Variants in LRRIQ3 observed in about 807,000 individuals in gnomAD.
LRRIQ3 encodes leucine-rich repeat and IQ domain-containing protein 3.
Under a neutral mutation model 59.3 loss-of-function variants are expected in LRRIQ3, and 75 were observed. The ratio of observed to expected loss-of-function variants is 1.26; its 90% CI spans 1.05 to 1.53. The LOEUF (loss-of-function observed/expected upper bound fraction) is 1.53, where lower values mean the gene tolerates loss of function less well. LRRIQ3 is among the 40% of genes most tolerant of loss of function. The pLI is 0.00. For missense variants in LRRIQ3, 831 were observed against 710.0 expected, an observed-to-expected ratio of 1.17 and a Z score of -1.94; for synonymous variants, 250 against 231.3, an observed-to-expected ratio of 1.08 and a Z score of -0.73.
chr1:74,123,487 A>G (rs1304667822), intron 4 of LRRIQ3, among the ~76,000 whole-genome samples: 1 of 151,662 alleles, frequency 6.6e-6, no homozygotes, highest in African/African-American at 2.4e-5. Context: ...CCATCATTCT[A>G]TCTCTACTTC....
Position 74,186,583 on chromosome 1 carries a change from T to C in LRRIQ3, c.1-2899A>G, listed in dbSNP as rs958950373. Among the ~76,000 whole-genome samples, 3 of 152,146 alleles carry C rather than the reference T, an allele frequency of 2.0e-5. No individual in the cohort carries two copies. The East Asian group carries it at 5.8e-4, about 29-fold the overall frequency. On this transcript the variant is annotated intron_variant, in intron 1 of 7. Coordinates refer to ENST00000354431, the MANE Select transcript of LRRIQ3 (RefSeq NM_001105659.2). ...GTTCAAATATTTTTCTACATAAAAT[T>C]TGTAATATATAATAAGGGAATTGGT...
intron 5 of LRRIQ3, chr1:74,083,964 A>G (rs979514637): frequency 2.4e-6 from 1 of 414,510 alleles, no homozygotes; most frequent in South Asian, 8.8e-5. Flanking sequence ...GAAGGAAATA[A>G]TATCATGAAC....
chr1:74,031,205 A>C (rs899576309), intron 7 of LRRIQ3, among the ~76,000 whole-genome samples: 3 of 152,060 alleles, frequency 2.0e-5, no homozygotes, highest in African/African-American at 4.8e-5. Context: ...ACAGTGTGGC[A>C]ATTCCTCAGG....
intron 6 of LRRIQ3, among the ~76,000 whole-genome samples, chr1:74,068,829 T>TAAA (rs542374561): frequency 3.8e-4 from 54 of 142,652 alleles, no homozygotes; most frequent in African/African-American, 1.3e-3. Flanking sequence ...AGGAGAATGG[T>TAAA]AAAAAAAAAA....
intron 6 of LRRIQ3, among the ~76,000 whole-genome samples, chr1:74,068,676 C>T (rs567933737): frequency 1.3e-5 from 2 of 151,942 alleles, no homozygotes; most frequent in Non-Finnish European, 2.9e-5. Flanking sequence ...GGTTTGTTTG[C>T]ATGTTTGCTT....
intron 3 of LRRIQ3, among the ~76,000 whole-genome samples, chr1:74,163,869 C>A (rs111465174): frequency 5.9e-5 from 9 of 151,394 alleles, no homozygotes; most frequent in African/African-American, 2.2e-4. Flanking sequence ...ATTTTATTTT[C>A]CTACCAGTTT....
At chr1:74,040,693 T>A (rs184230620) in intron 7 of LRRIQ3, among the ~76,000 whole-genome samples, 3 of 152,294 alleles carry the variant, frequency 2.0e-5, no homozygotes, top group Admixed American at 1.3e-4. Context: ...GAATGACTCC[T>A]GAGTAACTAA....
In LRRIQ3 at chr1:74,182,818, T is replaced by G. The variant is rs368074559; in HGVS notation, c.293A>C (p.Asn98Thr). ...PNTKFWNGLK[N>T]LKLLYLHDNG... ...GTCATGAAGATAGAGTAGTTTTAGG[T>G]TCTTCAATCCATTCCAAAATTTGGT... Residue 98 changes from asparagine (N) to threonine (T), a missense_variant, in exon 3 of 8, where the codon AAC becomes ACC. Coordinates refer to ENST00000354431, the MANE Select transcript of LRRIQ3 (RefSeq NM_001105659.2). The G allele has an allele frequency of 5.0e-6, 8 of 1,587,362 alleles. No individual in the cohort carries two copies. The highest frequency in any genetic ancestry group is 6.9e-6 in the Non-Finnish European group (8 of 1,166,200).
intron 7 of LRRIQ3, 97 bp from the exon 8 acceptor site, chr1:74,027,066 G>A (rs547958887): frequency 3.6e-5 from 28 of 788,038 alleles, no homozygotes; most frequent in East Asian, 1.4e-4. Context: ...AGATGTCTTC[G>A]AAATAGGCAT....
In LRRIQ3 at chr1:74,122,889, T is replaced by G. The variant is rs984123888; in HGVS notation, c.708-13336A>C. 2.8e-4 allele frequency among the ~76,000 whole-genome samples: 43 copies of G among 151,958 alleles called. 2 individuals are homozygous for G. On this transcript the variant is annotated intron_variant, in intron 4 of 7. Transcript: ENST00000354431. ...AAAGAAACTACCATCAGAGTGAACA[T>G]GCAACCTACAGAATGGGAGAAAAAT... is the stretch of plus-strand genomic sequence containing the variant.
intron 3 of LRRIQ3, among the ~76,000 whole-genome samples, chr1:74,165,582 T>C (rs908594436): frequency 6.6e-6 from 1 of 151,574 alleles, no homozygotes; most frequent in Non-Finnish European, 1.5e-5. Context: ...TGTTTCCTTT[T>C]CTCACCTTGT....
intron 5 of LRRIQ3, among the ~76,000 whole-genome samples, chr1:74,086,185 C>T (rs1304081836): frequency 6.6e-6 from 1 of 152,068 alleles, no homozygotes; most frequent in Non-Finnish European, 1.5e-5. Flanking sequence ...TTCATCACCC[C>T]TTTCTGCCTT....
chr1:74,183,938 T>C (rs1650186279), intron 1 of LRRIQ3, among the ~76,000 whole-genome samples: 1 of 152,022 alleles, frequency 6.6e-6, no homozygotes, highest in Non-Finnish European at 1.5e-5. Context: ...CAAACTTCCA[T>C]TTTCATAGAA....
intron 4 of LRRIQ3, among the ~76,000 whole-genome samples, chr1:74,122,455 TC>T (rs1473256695): frequency 2.6e-5 from 4 of 151,806 alleles, no homozygotes; most frequent in Admixed American, 6.6e-5. Flanking sequence ...TTGTTGGAGT[TC>T]CATGGTACTG....
intron 3 of LRRIQ3, among the ~76,000 whole-genome samples, chr1:74,174,548 A>ATTTTTT (rs34076332): frequency 7.4e-6 from 1 of 134,636 alleles, no homozygotes; most frequent in Non-Finnish European, 1.6e-5. Context: ...ATGCCTGGCT[A>ATTTTTT]TTTTTTTTTT....
intron 1 of LRRIQ3, among the ~76,000 whole-genome samples, chr1:74,193,741 G>C (rs959835832): frequency 6.6e-6 from 1 of 151,920 alleles, no homozygotes; most frequent in Admixed American, 6.6e-5. Context: ...TATTAGATTT[G>C]ATGGTCTACA....
chr1:74,179,385 C>G (rs1399836163), intron 3 of LRRIQ3, among the ~76,000 whole-genome samples: 1 of 151,818 alleles, frequency 6.6e-6, no homozygotes, highest in East Asian at 1.9e-4. Flanking sequence ...TTTAATTACA[C>G]TATTAGATTT....
chr1:74,055,948 T>G (rs1424972194), intron 6 of LRRIQ3, among the ~76,000 whole-genome samples: 1 of 151,846 alleles, frequency 6.6e-6, no homozygotes, highest in Non-Finnish European at 1.5e-5. Context: ...ATCAAGATCA[T>G]CCTGGCTAAC....
intron 7 of LRRIQ3, among the ~76,000 whole-genome samples, chr1:74,035,189 T>C (rs544305737): frequency 3.3e-5 from 5 of 152,228 alleles, no homozygotes; most frequent in African/African-American, 1.2e-4. Context: ...AAGTTACGTT[T>C]GATTATTGCC....
Sources: gnomAD v4.1 joint callset for allele counts (sites outside exome capture counted in the v4.1 genomes callset) on GRCh38, gnomAD v4.1.1 for gene constraint, MANE v1.5 for transcripts, NCBI Gene and HGNC (gene_info 2026-07-23, HGNC 2026-07-21) for gene names.